Variants in TCF7L2 observed in about 807,000 individuals in gnomAD.
TCF7L2 encodes the protein transcription factor 7-like 2.
TCF7L2 carries 23 observed loss-of-function variants against 77.9 expected under a neutral mutation model. That is an observed-to-expected ratio of 0.30 (90% CI 0.21 to 0.42). TCF7L2 has a LOEUF of 0.42. Ranked by LOEUF, TCF7L2 falls within the 10% of genes least tolerant of loss-of-function variation. The pLI is 1.00. For missense variants in TCF7L2, 654 were observed against 793.1 expected, an observed-to-expected ratio of 0.82 and a Z score of 2.11; for synonymous variants, 413 against 340.2, an observed-to-expected ratio of 1.21 and a Z score of -2.36.
rs758074955 is a variant in TCF7L2 at position 113,143,997 on chromosome 10, C to T, written c.760C>T (p.Pro254Ser). ...ATCGCCTGGCACCGTAGGACAAATCCCCCATCCGCTAGGATGGTTAGTACC... is the reference window on the plus strand; with the variant it reads ...ATCGCCTGGCACCGTAGGACAAATCTCCCATCCGCTAGGATGGTTAGTACC... The change falls in exon 7 of 14, where the codon CCC (proline) becomes TCC (serine). Residue 254 changes from proline (P) to serine (S), a missense_variant. Coordinates refer to ENST00000627217, the MANE Select transcript of TCF7L2 (RefSeq NM_001146274.2). The T allele has an allele frequency of 2.5e-6, 4 of 1,614,024 alleles. No individual in the cohort carries two copies. The highest frequency in any genetic ancestry group is 3.3e-5 in the Admixed American group (2 of 60,002).
intron 5 of TCF7L2, among the ~76,000 whole-genome samples, chr10:113,090,699 C>T (rs2060291857): frequency 6.6e-6 from 1 of 152,184 alleles, no homozygotes; most frequent in African/African-American, 2.4e-5. Flanking sequence ...CAACTTCTGC[C>T]TCCGGTTTCA....
intron 5 of TCF7L2, among the ~76,000 whole-genome samples, chr10:113,072,089 C>T (rs886879207): frequency 7.2e-5 from 11 of 152,168 alleles, no homozygotes; most frequent in Admixed American, 1.3e-4. Flanking sequence ...CGGAGTCTTG[C>T]TCTGTCGCCC....
chr10:113,087,384 A>T (rs3750805), intron 5 of TCF7L2, among the ~76,000 whole-genome samples: 18,225 of 152,292 alleles, frequency 0.12, 1,178 homozygotes, highest in Middle Eastern at 0.13. Context: ...GCCAGCAGAC[A>T]AGGATTAAAC....
At chr10:113,135,033 C>T (rs573800200) in intron 5 of TCF7L2, among the ~76,000 whole-genome samples, 6 of 152,306 alleles carry the variant, frequency 3.9e-5, no homozygotes, top group South Asian at 2.1e-4. Flanking sequence ...TAATAGGTTG[C>T]GGAGGTGAAT....
chr10:113,096,629 C>T (rs533470557), intron 5 of TCF7L2, among the ~76,000 whole-genome samples: 2 of 152,064 alleles, frequency 1.3e-5, no homozygotes, highest in South Asian at 4.2e-4. Context: ...TTTGCTTTTC[C>T]TGGTCAATGT....
intron 5 of TCF7L2, among the ~76,000 whole-genome samples, chr10:113,086,134 C>G (rs1192359334): frequency 2.6e-5 from 4 of 152,210 alleles, no homozygotes; most frequent in Non-Finnish European, 1.5e-5. Flanking sequence ...GCATGAAACT[C>G]ACGAGGCCTT....
At chr10:113,092,248 C>T (rs772648332) in intron 5 of TCF7L2, among the ~76,000 whole-genome samples, 1 of 152,208 alleles carries the variant, frequency 6.6e-6, no homozygotes, top group Non-Finnish European at 1.5e-5. Flanking sequence ...CAAAATGCCA[C>T]GTTTCCAGGA....
chr10:113,083,389 G>C (rs1294795334), intron 5 of TCF7L2, among the ~76,000 whole-genome samples: 1 of 151,968 alleles, frequency 6.6e-6, no homozygotes, highest in Non-Finnish European at 1.5e-5. Context: ...AAAAAGGATT[G>C]CATACATCTG....
At chr10:113,036,350 C>T (rs2051249207) in intron 4 of TCF7L2, among the ~76,000 whole-genome samples, 1 of 152,076 alleles carries the variant, frequency 6.6e-6, no homozygotes, top group Non-Finnish European at 1.5e-5. Context: ...CCAATTTCTG[C>T]TAAGACTATT....
Position 112,950,412 on chromosome 10 carries a change from C to A in TCF7L2, c.-345C>A, listed in dbSNP as rs113409023. 3 of 203,498 alleles carry A rather than the reference C, an allele frequency of 1.5e-5. No homozygotes were observed. The East Asian group carries it at 2.0e-4, about 14-fold the overall frequency. 12.6% of individuals were successfully genotyped at this position (203,498 alleles called of 1,614,324 possible). A position where few individuals can be genotyped will look rare whatever the true frequency, so the allele number is the denominator to read the frequency against. Reference sequence around the variant, plus strand: ...TCCTGTATCTTCGGCTTCCCCCCCCCTTTGCTCTTTATATCTGACTTCTTG... The same window carrying A: ...TCCTGTATCTTCGGCTTCCCCCCCCATTTGCTCTTTATATCTGACTTCTTG... On this transcript the variant is annotated 5_prime_UTR_variant, in exon 1 of 14. Coordinates refer to ENST00000627217, the MANE Select transcript of TCF7L2 (RefSeq NM_001146274.2).
chr10:112,999,786 G>A (rs55794826), intron 4 of TCF7L2, among the ~76,000 whole-genome samples: 1,656 of 152,250 alleles, frequency 0.011, 26 homozygotes, highest in African/African-American at 0.037. Context: ...TGTATTTGTG[G>A]TTACTCCTGT....
intron 5 of TCF7L2, among the ~76,000 whole-genome samples, chr10:113,071,288 T>C (rs1164190485): frequency 6.6e-6 from 1 of 152,202 alleles, no homozygotes; most frequent in Non-Finnish European, 1.5e-5. Context: ...GGACTTCAGA[T>C]GGAGTGCTTC....
intron 5 of TCF7L2, among the ~76,000 whole-genome samples, chr10:113,087,533 A>G (rs1450558920): frequency 6.6e-6 from 1 of 152,234 alleles, no homozygotes; most frequent in African/African-American, 2.4e-5. Flanking sequence ...GATCTTTCAA[A>G]TGGACTCATG....
intron 3 of TCF7L2, among the ~76,000 whole-genome samples, chr10:112,963,280 G>A (rs962332250): frequency 3.3e-5 from 5 of 152,078 alleles, no homozygotes; most frequent in African/African-American, 9.7e-5. Flanking sequence ...AAGTTCTTAT[G>A]TGATTTTTTC....
chr10:112,980,175 A>G (rs900070550), intron 4 of TCF7L2, among the ~76,000 whole-genome samples: 3 of 152,216 alleles, frequency 2.0e-5, no homozygotes, highest in Admixed American at 2.0e-4. Flanking sequence ...CAGGCAGTGA[A>G]TAAGGGAATT....
intron 5 of TCF7L2, among the ~76,000 whole-genome samples, chr10:113,111,418 T>G (rs1448978420): frequency 2.0e-5 from 3 of 152,184 alleles, no homozygotes; most frequent in Non-Finnish European, 2.9e-5. Context: ...CAAGTGCACC[T>G]AAGGGAAGGA....
chr10:112,983,242 C>T (rs552377564), intron 4 of TCF7L2, among the ~76,000 whole-genome samples: 75 of 151,694 alleles, frequency 4.9e-4, no homozygotes, highest in African/African-American at 1.4e-3. Context: ...GAGGCCGAGG[C>T]GGGCAGATCA....
chr10:112,958,094 C>T (rs150537025), intron 3 of TCF7L2, among the ~76,000 whole-genome samples: 38 of 152,316 alleles, frequency 2.5e-4, no homozygotes, highest in Admixed American at 2.3e-3. Context: ...AAAGAAGGGG[C>T]TGTGGGATCT....
chr10:112,969,028 A>C (rs2037649174), intron 4 of TCF7L2, among the ~76,000 whole-genome samples: 2 of 151,928 alleles, frequency 1.3e-5, no homozygotes, highest in Non-Finnish European at 2.9e-5. Context: ...TCTCAGTAAA[A>C]CTTTATTTAG....
Sources: allele counts gnomAD v4.1 joint callset (sites outside exome capture counted in the v4.1 genomes callset), GRCh38; gene constraint gnomAD v4.1.1; transcripts MANE v1.5; gene names NCBI Gene and HGNC (gene_info 2026-07-23, HGNC 2026-07-21).